The following LYST variants were observed in gnomAD, a reference collection of about 807,000 sequenced individuals.
LYST encodes the protein lysosomal trafficking regulator.
In LYST, 192 loss-of-function variants were observed where a neutral mutation model predicts 413.6. That is an observed-to-expected ratio of 0.46 (90% confidence interval 0.41 to 0.52). The LOEUF (loss-of-function observed/expected upper bound fraction) is 0.52. LYST is among the 20% of genes least tolerant of loss of function. The pLI is 0.00. For synonymous variants in LYST, 1,525 were observed against 1,567.3 expected, an observed-to-expected ratio of 0.97 and a Z score of 0.64; for missense variants, 3,815 against 4,499.9, an observed-to-expected ratio of 0.85 and a Z score of 4.35.
At chr1:235,801,848 A>G (rs1224872056) in intron 8 of LYST, among the ~76,000 whole-genome samples, 1 of 152,164 alleles carries the variant, frequency 6.6e-6, no homozygotes, top group Non-Finnish European at 1.5e-5. Context: ...CCCATTCACT[A>G]GATGAGAGCG....
chr1:235,864,179 C>T (rs1680224189), intron 1 of LYST, among the ~76,000 whole-genome samples: 1 of 152,146 alleles, frequency 6.6e-6, no homozygotes, highest in South Asian at 2.1e-4. Context: ...GAGTTGAGCC[C>T]AGTCTCCCTC....
In LYST at chr1:235,757,454, T is replaced by C. The variant is rs756154838; in HGVS notation, c.6886A>G (p.Thr2296Ala). The part of the protein sequence containing the change: ...YNRTASAHSV[T>A]EDCLVPICCG... Reference sequence around the variant, plus strand: ...CATATAGGTACCAAACAGTCTTCAGTTACACTAAAACAGAGACCAAAAAAG... The same window carrying C: ...CATATAGGTACCAAACAGTCTTCAGCTACACTAAAACAGAGACCAAAAAAG... The change falls in exon 24 of 53, where the codon ACT (threonine) becomes GCT (alanine). Residue 2296 changes from threonine to alanine, a missense_variant. This residue lies in a region of LYST where 771 missense variants were observed against 837.1 expected (regional missense o/e 0.92). Coordinates refer to ENST00000389793, the MANE Select transcript of LYST (RefSeq NM_000081.4). 5.6e-6 allele frequency: 9 copies of C among 1,613,120 alleles called. No homozygotes were observed. The highest frequency in any genetic ancestry group is 7.6e-6 in the Non-Finnish European group (9 of 1,179,270).
Position 235,810,123 on chromosome 1 carries a change from C to T in LYST, c.695G>A (p.Gly232Glu), listed in dbSNP as rs770837885. The T allele has an allele frequency of 8.7e-6, 14 of 1,613,994 alleles. No homozygotes were observed. The highest frequency in any genetic ancestry group is 1.1e-5 in the Non-Finnish European group (13 of 1,180,004). Residue 232 changes from glycine (G) to glutamate (E), a missense_variant, in exon 5 of 53, where the codon GGG (glycine) becomes GAG (glutamate). Gly to Glu is a moderately conservative substitution (Grantham distance 98, BLOSUM62 -2). This residue lies in a region of LYST where 1,648 missense variants were observed against 1,810.3 expected (regional missense o/e 0.91). Transcript: ENST00000389793. ...CTCACTTAAAATGTCAGTGTTTGAC[C>T]CCTGTCTTGGAATAATCTCTCTGGA... ...ENSREIIPRQ[G>E]SNTDILSEPA...
At chr1:235,704,124 T>C (rs1335308104) in intron 44 of LYST, among the ~76,000 whole-genome samples, 1 of 152,250 alleles carries the variant, frequency 6.6e-6, no homozygotes, top group African/African-American at 2.4e-5. Flanking sequence ...CCATGGTGTA[T>C]ATATACCACA....
intron 7 of LYST, among the ~76,000 whole-genome samples, chr1:235,803,273 T>A (rs1333712768): frequency 6.6e-6 from 1 of 152,148 alleles, no homozygotes; most frequent in African/African-American, 2.4e-5. Flanking sequence ...AAAGGGGGTT[T>A]CTAACAAAGT....
At chr1:235,782,216 T>C (rs1669943991) in intron 14 of LYST, 129 bp from the exon 15 acceptor site, 1 of 798,874 alleles carries the variant, frequency 1.3e-6, no homozygotes, top group East Asian at 2.9e-5. Flanking sequence ...TCTCGCTCTG[T>C]TGCCCAGGTT....
rs1440212440 is a variant in LYST, at chr1:235,792,487, G to C, written c.4117-362C>G. Among the ~76,000 whole-genome samples, 3 of 151,858 alleles carry C rather than the reference G, an allele frequency of 2.0e-5. No homozygotes were observed. In the East Asian group the frequency reaches 5.8e-4, roughly 29 times the overall value. On this transcript the variant is annotated intron_variant, in intron 11 of 52. Coordinates refer to ENST00000389793, the MANE Select transcript of LYST (RefSeq NM_000081.4). ...CCACCACCACCCCCAGCTAATTTTT[G>C]TATTTTTAGTAGAGACGAGGTTTCA... is the stretch of plus-strand genomic sequence containing the variant.
rs397759940 is a variant in LYST at position 235,693,240 on chromosome 1, C to CT, written c.10701+109_10701+110insA. 1.6e-5 allele frequency: 13 copies of CT among 812,572 alleles called. 1 individual carries two copies. Among genetic ancestry groups the CT allele is most frequent in the East Asian group, 1.1e-4 (4 of 37,202 alleles). 50.3% of individuals were successfully genotyped at this position (812,572 alleles called of 1,614,324 possible). On this transcript the variant is annotated intron_variant, in intron 47 of 52. Transcript: ENST00000389793. Reference sequence around the variant, plus strand: ...GCTGAGGCAGGAGAATGGCGTGAGCCGGGAGGTGGAGCTTGCAGTGAGCCA... The same window carrying CT: ...GCTGAGGCAGGAGAATGGCGTGAGCCTGGGAGGTGGAGCTTGCAGTGAGCCA...
chr1:235,812,108 T>C (rs1297911095), intron 4 of LYST, among the ~76,000 whole-genome samples: 1 of 152,186 alleles, frequency 6.6e-6, no homozygotes, highest in Non-Finnish European at 1.5e-5. Flanking sequence ...ATTTAAAGTT[T>C]CATGTACTTT....
chr1:235,768,068 C>CTCTCACTACGTTTCTCTG (rs1668316793), intron 20 of LYST, among the ~76,000 whole-genome samples: 1 of 152,080 alleles, frequency 6.6e-6, no homozygotes, highest in Non-Finnish European at 1.5e-5. Context: ...TCCTCTGATT[C>CTCTCACTACGTTTCTCTG]TCTCACTACG....
At chr1:235,727,496 T>A (rs1383516031) in intron 38 of LYST, among the ~76,000 whole-genome samples, 2 of 152,078 alleles carry the variant, frequency 1.3e-5, no homozygotes, top group African/African-American at 4.8e-5. Flanking sequence ...CCTTAGGAAT[T>A]CCCGGCTTTA....
intron 1 of LYST, among the ~76,000 whole-genome samples, chr1:235,856,168 G>A (rs1326384803): frequency 6.6e-6 from 1 of 152,118 alleles, no homozygotes; most frequent in African/African-American, 2.4e-5. Context: ...TGGTCTAAAT[G>A]TAGACTTGTA....
At chr1:235,700,201 A>G (rs1185422493) in intron 45 of LYST, among the ~76,000 whole-genome samples, 1 of 152,254 alleles carries the variant, frequency 6.6e-6, no homozygotes, top group Admixed American at 6.5e-5. Flanking sequence ...CGAAAAGGCC[A>G]AAAGCAATTG....
intron 21 of LYST, among the ~76,000 whole-genome samples, chr1:235,763,419 T>G (rs561398829): frequency 3.9e-5 from 6 of 152,270 alleles, no homozygotes; most frequent in Admixed American, 6.5e-5. Context: ...CTACCTTTCC[T>G]TTATCCATGG....
chr1:235,859,243 C>T (rs977179309), intron 1 of LYST, among the ~76,000 whole-genome samples: 1 of 152,128 alleles, frequency 6.6e-6, no homozygotes, highest in Non-Finnish European at 1.5e-5. Context: ...CATTTCCTCT[C>T]GTTACATTTG....
rs1045755098 is a variant in LYST at position 235,806,232 on chromosome 1, A to G, written c.2904T>C (p.Arg968=). 6.2e-7 allele frequency: 1 copy of G among 1,614,062 alleles called. No homozygotes were observed. The highest frequency in any genetic ancestry group is 8.5e-7 in the Non-Finnish European group (1 of 1,179,984). ...HQAADIWSMC[R]WIYMLSSVFQ... is the part of the protein sequence containing the mutation. ...ACACTGAACTCAACATGTAGATCCA[A>G]CGACACATAGACCAAATGTCTGCTG... Residue 968 remains arginine (R), a synonymous_variant, in exon 6 of 53, where the codon CGT becomes CGC. Coordinates refer to ENST00000389793, the MANE Select transcript of LYST (RefSeq NM_000081.4).
chr1:235,692,329 T>A (rs1360259291), intron 47 of LYST, among the ~76,000 whole-genome samples: 1 of 150,778 alleles, frequency 6.6e-6, no homozygotes, highest in African/African-American at 2.4e-5. Context: ...CGAGACTTCA[T>A]CTCATAACAA....
intron 1 of LYST, among the ~76,000 whole-genome samples, chr1:235,863,854 C>G (rs1032492364): frequency 6.6e-6 from 1 of 152,194 alleles, no homozygotes; most frequent in Non-Finnish European, 1.5e-5. Context: ...GCCAAACTTA[C>G]TCAGGCTTTT....
intron 38 of LYST, among the ~76,000 whole-genome samples, chr1:235,726,532 GT>G (rs1231679612): frequency 4.6e-5 from 7 of 151,952 alleles, no homozygotes; most frequent in African/African-American, 1.7e-4. Context: ...TGAAATATTT[GT>G]ACACACATTT....
Sources: allele counts gnomAD v4.1 joint callset (sites outside exome capture counted in the v4.1 genomes callset), GRCh38; gene constraint gnomAD v4.1.1; regional missense constraint gnomAD v4.1.1; transcripts MANE v1.5; gene names NCBI Gene and HGNC (gene_info 2026-07-23, HGNC 2026-07-21).